The following DCDC1 variants were observed in gnomAD, a reference collection of about 807,000 sequenced individuals.
The protein encoded by DCDC1 is doublecortin domain-containing protein 1.
Under a neutral mutation model 178.3 loss-of-function variants are expected in DCDC1, and 200 were observed. The ratio of observed to expected loss-of-function variants is 1.12; its 90% CI spans 1.00 to 1.26. The LOEUF (loss-of-function observed/expected upper bound fraction) is 1.26, where lower values mean the gene tolerates loss of function less well. Ranked by LOEUF, DCDC1 falls within the 50% of genes most tolerant of loss-of-function variation. The probability of loss-of-function intolerance (pLI) is 0.00; values close to 1 mark genes in which losing one functional copy is unlikely to be tolerated. For synonymous variants in DCDC1, 690 were observed against 604.8 expected, an observed-to-expected ratio of 1.14 and a Z score of -2.07; for missense variants, 1,983 against 1,749.2, an observed-to-expected ratio of 1.13 and a Z score of -2.38.
chr11:30,931,754 G>C lies in DCDC1; in HGVS notation c.2897+17C>G. The C allele has an allele frequency of 6.2e-7, 1 of 1,602,276 alleles. No homozygotes were observed. The highest frequency in any genetic ancestry group is 8.5e-7 in the Non-Finnish European group (1 of 1,173,908). On this transcript the variant is annotated intron_variant, in intron 22 of 38. Coordinates refer to ENST00000684477, the MANE Select transcript of DCDC1 (RefSeq NM_001387274.1). Reference sequence around the variant, plus strand: ...ACTAGAAAGTGTATTTAATAAGTATGAACAAGTTGTTCTTACTGCGTTTTC... The same window carrying C: ...ACTAGAAAGTGTATTTAATAAGTATCAACAAGTTGTTCTTACTGCGTTTTC...
At chr11:31,207,115 C>G (rs1971954648) in intron 9 of DCDC1, among the ~76,000 whole-genome samples, 1 of 152,062 alleles carries the variant, frequency 6.6e-6, no homozygotes, top group African/African-American at 2.4e-5. Context: ...TTACTTAACC[C>G]TTATGTACCT....
chr11:31,266,898 CA>C (rs1945204274), intron 7 of DCDC1, among the ~76,000 whole-genome samples: 2 of 152,186 alleles, frequency 1.3e-5, no homozygotes, highest in Non-Finnish European at 2.9e-5. Flanking sequence ...GTTGCTCTAT[CA>C]AAAGACAGGT....
intron 20 of DCDC1, among the ~76,000 whole-genome samples, chr11:31,050,392 C>T (rs1204355192): frequency 6.6e-6 from 1 of 152,168 alleles, no homozygotes; most frequent in Non-Finnish European, 1.5e-5. Context: ...CTACCCCTGC[C>T]CCCACCTGAT....
At chr11:30,967,682 G>C (rs937994050) in intron 20 of DCDC1, among the ~76,000 whole-genome samples, 6 of 152,140 alleles carry the variant, frequency 3.9e-5, no homozygotes, top group African/African-American at 1.4e-4. Flanking sequence ...AGGTCAAAGA[G>C]ATTAGAACTT....
intron 3 of DCDC1, among the ~76,000 whole-genome samples, chr11:31,311,209 C>T (rs1236185213): frequency 1.3e-5 from 2 of 152,168 alleles, no homozygotes; most frequent in African/African-American, 4.8e-5. Context: ...GGGTAGAACT[C>T]TTATGTGAGG....
intron 36 of DCDC1, 123 bp downstream of exon 36, chr11:30,892,695 T>C: frequency 9.2e-7 from 1 of 1,092,090 alleles, no homozygotes; most frequent in Non-Finnish European, 1.3e-6. Context: ...AAAGTACTGT[T>C]ACTATTTTGT....
At chr11:31,298,860 C>T (rs1947893341) in intron 6 of DCDC1, among the ~76,000 whole-genome samples, 1 of 152,142 alleles carries the variant, frequency 6.6e-6, no homozygotes, top group Non-Finnish European at 1.5e-5. Flanking sequence ...AGCAAACTTG[C>T]AACTTCAAAT....
intron 9 of DCDC1, among the ~76,000 whole-genome samples, chr11:31,197,509 AC>A (rs1028510657): frequency 1.3e-5 from 2 of 152,054 alleles, no homozygotes; most frequent in African/African-American, 4.8e-5. Context: ...TTTTATTCTT[AC>A]CTCTTAGAAA....
At chr11:30,905,243 T>C in intron 30 of DCDC1, 79 bp from the exon 31 acceptor site, 5 of 1,406,044 alleles carry the variant, frequency 3.6e-6, no homozygotes, top group Non-Finnish European at 3.9e-6. Context: ...TCTTAATAAA[T>C]GTGTGTATAC....
intron 11 of DCDC1, among the ~76,000 whole-genome samples, chr11:31,120,216 G>A (rs571302570): frequency 1.3e-5 from 2 of 152,104 alleles, no homozygotes; most frequent in Non-Finnish European, 2.9e-5. Flanking sequence ...CAATAGAAGA[G>A]AACACTATAA....
chr11:30,915,829 C>T, intron 26 of DCDC1, 118 bp from the exon 27 acceptor site: 1 of 970,968 alleles, frequency 1.0e-6, no homozygotes, highest in Non-Finnish European at 1.5e-6. Context: ...AACACGTTAA[C>T]TTGAAATGAT....
chr11:31,154,148 G>C (rs1358364087), intron 9 of DCDC1, among the ~76,000 whole-genome samples: 1 of 152,170 alleles, frequency 6.6e-6, no homozygotes, highest in Non-Finnish European at 1.5e-5. Context: ...GAAGGTGCCT[G>C]CTTCCCCTTC....
intron 11 of DCDC1, among the ~76,000 whole-genome samples, chr11:31,113,654 G>A (rs1174836942): frequency 6.6e-6 from 1 of 152,060 alleles, no homozygotes; most frequent in Non-Finnish European, 1.5e-5. Context: ...ATTCCATGGT[G>A]TATATGTACC....
chr11:31,041,160 GATCTGGGACAGTCCCTGTCCTC>G (rs1954423723), intron 20 of DCDC1, among the ~76,000 whole-genome samples: 1 of 152,186 alleles, frequency 6.6e-6, no homozygotes, highest in African/African-American at 2.4e-5. Flanking sequence ...AGGAGTGAAA[GATCTGGGACAGTCCCTGTCCTC>G]ATTCAGGGAG....
chr11:31,179,139 C>A (rs537555262), intron 9 of DCDC1, among the ~76,000 whole-genome samples: 1 of 152,256 alleles, frequency 6.6e-6, no homozygotes, highest in South Asian at 2.1e-4. Flanking sequence ...ATATATACCA[C>A]CTTCCTCTAG....
intron 9 of DCDC1, among the ~76,000 whole-genome samples, chr11:31,213,232 C>T (rs752425644): frequency 4.7e-5 from 7 of 149,430 alleles, no homozygotes; most frequent in Admixed American, 1.3e-4. Context: ...CACTTCACCC[C>T]AGTCTGGTTG....
intron 36 of DCDC1, among the ~76,000 whole-genome samples, chr11:30,885,708 G>T (rs1419970285): frequency 3.3e-5 from 5 of 152,064 alleles, no homozygotes; most frequent in Non-Finnish European, 7.4e-5. Flanking sequence ...GTATACAACA[G>T]GTGGATGGAT....
At chr11:31,003,519 G>T (rs963161696) in intron 20 of DCDC1, among the ~76,000 whole-genome samples, 1 of 152,236 alleles carries the variant, frequency 6.6e-6, no homozygotes, top group Non-Finnish European at 1.5e-5. Context: ...ATAAACTTGG[G>T]GAGTCAGGGA....
intron 11 of DCDC1, 124 bp downstream of exon 11, chr11:31,127,345 C>T (rs1961782948): frequency 2.0e-6 from 1 of 512,184 alleles, no homozygotes; most frequent in South Asian, 3.2e-5. Context: ...TGTAATATTA[C>T]CAGTTTGAGG....
Sources: allele counts gnomAD v4.1 joint callset (sites outside exome capture counted in the v4.1 genomes callset), GRCh38; gene constraint gnomAD v4.1.1; transcripts MANE v1.5; gene names NCBI Gene and HGNC (gene_info 2026-07-23, HGNC 2026-07-21).